Variants in DAB2IP observed in about 807,000 individuals in gnomAD.
DAB2IP encodes the protein DAB2 interacting protein.
DAB2IP carries 28 observed loss-of-function variants against 107.2 expected under a neutral mutation model. The observed-to-expected ratio is 0.26, with a 90% CI of 0.19 to 0.36. DAB2IP has a LOEUF of 0.36. DAB2IP is among the 10% of genes least tolerant of loss of function. The probability of loss-of-function intolerance (pLI) is 1.00; values close to 1 mark genes in which losing one functional copy is unlikely to be tolerated. For synonymous variants in DAB2IP, 755 were observed against 706.4 expected (o/e 1.07, Z -1.09); for missense variants, 1,400 against 1,644.7 (o/e 0.85, Z 2.57).
At chr9:121,604,892 C>T (rs911056112) in intron 1 of DAB2IP, among the ~76,000 whole-genome samples, 1 of 152,218 alleles carries the variant, frequency 6.6e-6, no homozygotes. Flanking sequence ...CTGCACCCCC[C>T]TCCTCAACAG....
At chr9:121,767,391 G>T (rs987333750) in intron 9 of DAB2IP, among the ~76,000 whole-genome samples, 30 of 152,244 alleles carry the variant, frequency 2.0e-4, no homozygotes, top group African/African-American at 7.2e-4. Flanking sequence ...GAGCAGGAGA[G>T]CAGTGATAGA....
intron 2 of DAB2IP, among the ~76,000 whole-genome samples, chr9:121,686,277 G>C (rs1173737269): frequency 2.0e-5 from 3 of 152,180 alleles, no homozygotes. Context: ...CCTCATCCTG[G>C]CAAGTGGCAG....
chr9:121,650,442 T>G (rs1832699504), upstream of DAB2IP, among the ~76,000 whole-genome samples: 1 of 152,098 alleles, frequency 6.6e-6, no homozygotes, highest in Non-Finnish European at 1.5e-5. Context: ...CCCCGCCCAC[T>G]CCAGGGCCCC....
chr9:121,625,241 CTTT>C (rs55645811), intron 1 of DAB2IP, among the ~76,000 whole-genome samples: 4 of 127,838 alleles, frequency 3.1e-5, no homozygotes, highest in Admixed American at 1.6e-4. Flanking sequence ...AGTGGCTGGG[CTTT>C]TTTTTTTTTT....
At chr9:121,712,481 C>G (rs1830382724) in intron 3 of DAB2IP, among the ~76,000 whole-genome samples, 1 of 152,174 alleles carries the variant, frequency 6.6e-6, no homozygotes, top group Non-Finnish European at 1.5e-5. Flanking sequence ...TCTTCAATCC[C>G]TCCCAGTTTC....
chr9:121,755,728 T>G (rs930228839), intron 3 of DAB2IP, among the ~76,000 whole-genome samples: 14 of 152,184 alleles, frequency 9.2e-5, no homozygotes, highest in African/African-American at 3.1e-4. Context: ...TCTGGATTCT[T>G]GAGCACCCAT....
intron 3 of DAB2IP, among the ~76,000 whole-genome samples, chr9:121,722,391 T>A (rs764014176): frequency 6.6e-6 from 1 of 152,196 alleles, no homozygotes; most frequent in Non-Finnish European, 1.5e-5. Flanking sequence ...GGTGTCTTCC[T>A]GTTCGGGGCC....
At chr9:121,672,856 C>G (rs1368760176) in intron 1 of DAB2IP, among the ~76,000 whole-genome samples, 1 of 152,210 alleles carries the variant, frequency 6.6e-6, no homozygotes, top group African/African-American at 2.4e-5. Context: ...TTTCTACTGG[C>G]ACCAGCTGTG....
intron 1 of DAB2IP, among the ~76,000 whole-genome samples, chr9:121,623,960 C>T (rs1465686005): frequency 6.6e-6 from 1 of 152,218 alleles, no homozygotes; most frequent in Non-Finnish European, 1.5e-5. Context: ...CCTTTGCCTC[C>T]ATGTTTGTAC....
intron 1 of DAB2IP, among the ~76,000 whole-genome samples, chr9:121,592,363 CT>C (rs1402525328): frequency 1.3e-5 from 2 of 149,636 alleles, no homozygotes; most frequent in African/African-American, 5.0e-5. Context: ...AAGACTCCAT[CT>C]CAAAAAAAAA....
intron 3 of DAB2IP, among the ~76,000 whole-genome samples, chr9:121,738,638 C>T (rs921730723): frequency 6.6e-6 from 1 of 152,192 alleles, no homozygotes; most frequent in Admixed American, 6.5e-5. Flanking sequence ...TCTGTCTGAC[C>T]CCAGAAGGCT....
Position 121,782,604 on chromosome 9 carries a change from G to A in DAB2IP, c.*106G>A, listed in dbSNP as rs764985213. 4.6e-6 allele frequency: 7 copies of A among 1,527,914 alleles called. No homozygotes were observed. Among genetic ancestry groups the A allele is most frequent in the Non-Finnish European group, 6.2e-6 (7 of 1,137,182 alleles). 94.6% of individuals were successfully genotyped at this position (1,527,914 alleles called of 1,614,324 possible). ...CCACGGTTGCAGCCCCAGCGCGGGTGTCAGGAGGCCGAGCCTCCCCTCCCT... is the reference window on the plus strand; with the variant it reads ...CCACGGTTGCAGCCCCAGCGCGGGTATCAGGAGGCCGAGCCTCCCCTCCCT... On this transcript the variant is annotated 3_prime_UTR_variant, in exon 16 of 16. Coordinates refer to ENST00000408936, the Ensembl canonical transcript of DAB2IP. This position sits in a 1 kb window ranked among gnomAD's most constrained non-coding sequence, Gnocchi z 6.1.
intron 3 of DAB2IP, among the ~76,000 whole-genome samples, chr9:121,750,166 C>G (rs1165441987): frequency 6.6e-6 from 1 of 152,148 alleles, no homozygotes; most frequent in African/African-American, 2.4e-5. Context: ...GAAACTGAGT[C>G]CTAGAGAGTC....
intron 1 of DAB2IP, among the ~76,000 whole-genome samples, chr9:121,600,264 G>A (rs947300216): frequency 2.0e-5 from 3 of 152,162 alleles, no homozygotes; most frequent in Non-Finnish European, 4.4e-5. Flanking sequence ...CAAGTTTTGG[G>A]TGTTTTTGTT....
rs141348575 is a variant in DAB2IP at position 121,768,132 on chromosome 9, T to G, written c.1698-300T>G. The stretch of plus-strand genomic sequence containing the variant: ...GGTTGAGCAGGGATTGAGCATCATC[T>G]GCATACCAGGGCAGTGAAACTTGGA... On this transcript the variant is annotated intron_variant, in intron 9 of 15. Transcript: ENST00000408936. 2.2e-3 allele frequency among the ~76,000 whole-genome samples: 328 copies of G among 152,296 alleles called. 1 individual carries two copies. Among genetic ancestry groups the G allele is most frequent in the African/African-American group, 5.7e-3 (235 of 41,562 alleles).
intron 1 of DAB2IP, among the ~76,000 whole-genome samples, chr9:121,573,517 T>G (rs1295772785): frequency 6.6e-6 from 1 of 152,070 alleles, no homozygotes; most frequent in Non-Finnish European, 1.5e-5. Context: ...CCTGAGTAGC[T>G]GGGACTACAG....
At chr9:121,734,383 CAA>C (rs552116079) in intron 3 of DAB2IP, among the ~76,000 whole-genome samples, 20 of 56,886 alleles carry the variant, frequency 3.5e-4, no homozygotes, top group Non-Finnish European at 2.4e-4. Flanking sequence ...GACTCCGTCT[CAA>C]AAAAAAAAAA....
intron 2 of DAB2IP, among the ~76,000 whole-genome samples, chr9:121,693,412 G>A (rs957727488): frequency 6.6e-6 from 1 of 152,248 alleles, no homozygotes; most frequent in African/African-American, 2.4e-5. Context: ...CTGGAGCCGA[G>A]AGAGGTGGCA....
intron 2 of DAB2IP, among the ~76,000 whole-genome samples, chr9:121,680,836 G>A (rs1249937791): frequency 1.3e-5 from 2 of 150,742 alleles, no homozygotes; most frequent in Non-Finnish European, 2.9e-5. Flanking sequence ...TCTGCCTCCC[G>A]GGTTCAAATA....
Sources: gnomAD v4.1 joint callset for allele counts (sites outside exome capture counted in the v4.1 genomes callset) on GRCh38, gnomAD v4.1.1 for gene constraint, Gnocchi (gnomAD v3.1) non-coding constraint, MANE v1.5 for transcripts, NCBI Gene and HGNC (gene_info 2026-07-23, HGNC 2026-07-21) for gene names.